The following HEATR3 variants were observed in gnomAD, a reference collection of about 807,000 sequenced individuals.
The protein encoded by HEATR3 is HEAT repeat containing 3, also known as HEAT repeat-containing protein 3.
HEATR3 carries 56 observed loss-of-function variants against 72.8 expected under a neutral mutation model. The ratio of observed to expected loss-of-function variants is 0.77; its 90% CI spans 0.62 to 0.96. The LOEUF (loss-of-function observed/expected upper bound fraction) is 0.96, where lower values mean the gene tolerates loss of function less well. HEATR3 is among the 40% of genes least tolerant of loss of function. The pLI, the probability that HEATR3 is intolerant of heterozygous loss-of-function variation, is 0.00. For synonymous variants in HEATR3, 331 were observed against 318.1 expected (o/e 1.04, Z -0.43); for missense variants, 747 against 831.4 (o/e 0.90, Z 1.25).
chr16:50,078,413 A>G (rs1407995913), intron 6 of HEATR3, among the ~76,000 whole-genome samples: 1 of 152,144 alleles, frequency 6.6e-6, no homozygotes, highest in Non-Finnish European at 1.5e-5. Flanking sequence ...TGCTGAGGAG[A>G]GCAGCTTAGG....
chr16:50,091,062 T>C (rs1349077019), intron 11 of HEATR3, among the ~76,000 whole-genome samples: 1 of 152,106 alleles, frequency 6.6e-6, no homozygotes, highest in Non-Finnish European at 1.5e-5. Flanking sequence ...GAGAACTCCT[T>C]GAACCTGGGC....
intron 6 of HEATR3, 149 bp downstream of exon 6, chr16:50,075,860 T>A: frequency 1.6e-6 from 1 of 639,758 alleles, no homozygotes; most frequent in Non-Finnish European, 2.7e-6. Context: ...AAGAGACCCT[T>A]ACTTCAAGCA....
In HEATR3 at chr16:50,066,524, C is replaced by T; in HGVS notation, c.296C>T (p.Ala99Val). Residue 99 changes from alanine (A) to valine (V), a missense_variant, in exon 2 of 15, where the codon GCA becomes GTA. Physicochemically the swap from Ala to Val is moderately conservative, Grantham distance 64. This residue lies in a region of HEATR3 where 586 missense variants were observed against 708.8 expected (regional missense o/e 0.83). Transcript: ENST00000299192. ...LDPSLAVRET[A>V]AGALRNLSAC... is the part of the protein sequence containing the mutation. ...CCCAGCCTGGCCGTCAGGGAGACTG[C>T]AGCCGGCGCGCTGAGGTGAGCCAGG... is the stretch of plus-strand genomic sequence containing the variant. The T allele has an allele frequency of 7.6e-7, 1 of 1,310,450 alleles. No homozygotes were observed. The highest frequency in any genetic ancestry group is 2.2e-5 in the South Asian group (1 of 44,628). 81.2% of individuals were successfully genotyped at this position (1,310,450 alleles called of 1,614,324 possible).
intron 11 of HEATR3, among the ~76,000 whole-genome samples, chr16:50,091,391 C>T (rs917288874): frequency 2.9e-4 from 44 of 149,956 alleles, no homozygotes; most frequent in African/African-American, 1.1e-3. Flanking sequence ...CACTTGAACC[C>T]GGGAGGCAGA....
chr16:50,103,759 C>T (rs948723929), intron 14 of HEATR3, among the ~76,000 whole-genome samples: 1 of 152,226 alleles, frequency 6.6e-6, no homozygotes, highest in Admixed American at 6.5e-5. Flanking sequence ...GGCGCAGTGG[C>T]TCACACCTGT....
intron 10 of HEATR3, 146 bp from the exon 11 acceptor site, chr16:50,086,068 AC>A: frequency 1.4e-6 from 1 of 715,368 alleles, no homozygotes; most frequent in Non-Finnish European, 2.2e-6. Context: ...AAAACAGTTC[AC>A]CTTGTGATTC....
At chr16:50,077,494 A>T (rs1388341082) in intron 6 of HEATR3, among the ~76,000 whole-genome samples, 1 of 152,200 alleles carries the variant, frequency 6.6e-6, no homozygotes, top group African/African-American at 2.4e-5. Context: ...GGTGTAAAGT[A>T]CATTCAGATT....
At chr16:50,100,890 A>C (rs1276323334) in intron 13 of HEATR3, 3 of 173,286 alleles carry the variant, frequency 1.7e-5, no homozygotes, top group African/African-American at 7.2e-5. Context: ...CACTTAGCAC[A>C]GTTGCTCACA....
intron 12 of HEATR3, chr16:50,098,234 T>G (rs549255815): frequency 6.6e-6 from 1 of 152,278 alleles, no homozygotes; most frequent in African/African-American, 2.4e-5. Flanking sequence ...CCCAAAAAGA[T>G]ACATTAGTGA....
At chr16:50,103,176 T>A (rs570635949) in intron 14 of HEATR3, among the ~76,000 whole-genome samples, 1 of 152,344 alleles carries the variant, frequency 6.6e-6, no homozygotes, top group Non-Finnish European at 1.5e-5. Flanking sequence ...ATATTAATAG[T>A]TAGAGTCATC....
chr16:50,098,833 A>G (rs911669879), intron 12 of HEATR3, among the ~76,000 whole-genome samples: 3 of 152,124 alleles, frequency 2.0e-5, no homozygotes, highest in African/African-American at 7.2e-5. Context: ...CTGTAGTAAC[A>G]TTAAAATTGT....
chr16:50,088,712 G>A (rs910609704), intron 11 of HEATR3, among the ~76,000 whole-genome samples: 3 of 152,216 alleles, frequency 2.0e-5, no homozygotes, highest in Non-Finnish European at 2.9e-5. Flanking sequence ...GTGGGAGTGA[G>A]AGGGCTGCTG....
In HEATR3 at chr16:50,066,438, G is replaced by T; in HGVS notation, c.210G>T (p.Pro70=). 1.4e-6 allele frequency: 2 copies of T among 1,434,744 alleles called. No homozygotes were observed. Among genetic ancestry groups the T allele is most frequent in the African/African-American group, 1.5e-5 (1 of 67,536 alleles). The allele number at this position is 1,434,744 out of a possible 1,614,324, so 88.9% of individuals were successfully genotyped here. Reference sequence around the variant, plus strand: ...TGGCCCGGCTGGTGCAGCAGCGGCCGGCACTCCCGGGCCTGGCGCGACGAG... The same window carrying T: ...TGGCCCGGCTGGTGCAGCAGCGGCCTGCACTCCCGGGCCTGGCGCGACGAG... ...AGLARLVQQR[P]ALPGLARRDA... is the part of the protein sequence containing the mutation. The change falls in exon 2 of 15, where the codon CCG becomes CCT. Residue 70 remains proline, a synonymous_variant. Transcript: ENST00000299192.
In HEATR3 at chr16:50,078,877, G is replaced by T. The variant is rs371973424; in HGVS notation, c.900G>T (p.Thr300=). The change falls in exon 7 of 15, where the codon ACG becomes ACT. Residue 300 remains threonine, a synonymous_variant. Transcript: ENST00000299192. ...EMVIQMKEAE[T]QRLKTAAEAE... ...TTATTCAAATGAAAGAGGCTGAAAC[G>T]CAAAGGTTAAAAACTGCTGCAGAGG... 1.2e-6 allele frequency: 2 copies of T among 1,613,974 alleles called. No homozygotes were observed. Among genetic ancestry groups the T allele is most frequent in the African/African-American group, 1.3e-5 (1 of 74,934 alleles).
In HEATR3 at chr16:50,107,226, C is replaced by G. The variant is rs2037504442; in HGVS notation, c.*2165C>G. Among the ~76,000 whole-genome samples the G allele has an allele frequency of 6.6e-6, 1 of 152,186 alleles. No individual in the cohort carries two copies. The highest frequency in any genetic ancestry group is 6.5e-5 in the Admixed American group (1 of 15,272). ...CACAGGACCTAGTATATAGTCGACT[C>G]TTCATAAATATTTGTTGAGTAAATA... On this transcript the variant is annotated 3_prime_UTR_variant, in exon 15 of 15. Transcript: ENST00000299192.
chr16:50,072,954 T>TA (rs2036646117), intron 5 of HEATR3: 5 of 426,678 alleles, frequency 1.2e-5, no homozygotes, highest in African/African-American at 2.0e-5. Context: ...TGAGGATATG[T>TA]GGTTTCTAGC....
Position 50,070,204 on chromosome 16 carries a change from G to C in HEATR3, c.426G>C (p.Glu142Asp), listed in dbSNP as rs1555500792. The C allele has an allele frequency of 6.2e-7, 1 of 1,602,456 alleles. No homozygotes were observed. The highest frequency in any genetic ancestry group is 8.5e-7 in the Non-Finnish European group (1 of 1,172,050). ...GTAGTGCTGGACTGGATTCAAATGA[G>C]ATGTCTCTGCAGGAGAAAAAAGATC... ...KECSAGLDSNEMSLQEKKDQN... is the reference protein window; with the variant it reads ...KECSAGLDSNDMSLQEKKDQN... Residue 142 changes from glutamate to aspartate, a missense_variant, in exon 4 of 15, where the codon GAG (glutamate) becomes GAC (aspartate). Transcript: ENST00000299192.
At chr16:50,075,534 T>G in intron 5 of HEATR3, 37 bp from the exon 6 acceptor site, 1 of 1,577,042 alleles carries the variant, frequency 6.3e-7, no homozygotes, top group Non-Finnish European at 8.7e-7. Context: ...CAAAGCAGAA[T>G]TCATTTGTTT....
At position 50,094,754 on chromosome 16, in the gene HEATR3, G is replaced by A; in HGVS notation, c.1560G>A (p.Arg520=). The change falls in exon 12 of 15, where the codon AGG becomes AGA. Residue 520 remains arginine (R), a synonymous_variant. Transcript: ENST00000299192. ...TAGAAGCCATAAGTAGTGCTTTGAG[G>A]GCCCTTTTGCAAACAATGGCCTCCA... ...DFLEAISSAL[R]ALLQTMASKN... is the part of the protein sequence containing the mutation. 6.3e-7 allele frequency: 1 copy of A among 1,593,748 alleles called. No individual in the cohort carries two copies.
Sources: gnomAD v4.1 joint callset for allele counts (sites outside exome capture counted in the v4.1 genomes callset) on GRCh38, gnomAD v4.1.1 for gene constraint, gnomAD v4.1.1 regional missense constraint, MANE v1.5 for transcripts, NCBI Gene and HGNC (gene_info 2026-07-23, HGNC 2026-07-21) for gene names.